Variants in CTNNA2 observed in about 807,000 individuals in gnomAD.
The protein encoded by CTNNA2 is catenin alpha 2.
Under a neutral mutation model 101.0 loss-of-function variants are expected in CTNNA2, and 42 were observed. That is an observed-to-expected ratio of 0.42 (90% CI 0.32 to 0.54). CTNNA2 has a LOEUF of 0.54. CTNNA2 is among the 20% of genes least tolerant of loss of function. CTNNA2 has a pLI of 0.14. For missense variants in CTNNA2, 871 were observed against 1,223.1 expected, an observed-to-expected ratio of 0.71 and a Z score of 4.29; for synonymous variants, 450 against 456.4, an observed-to-expected ratio of 0.99 and a Z score of 0.18.
At chr2:79,948,775 T>C (rs1688675995) in intron 7 of CTNNA2, among the ~76,000 whole-genome samples, 1 of 152,124 alleles carries the variant, frequency 6.6e-6, no homozygotes, top group Admixed American at 6.5e-5. Context: ...GACACCATCC[T>C]GGCTAACACG....
chr2:80,309,745 A>T (rs1407602709), intron 7 of CTNNA2, among the ~76,000 whole-genome samples: 1 of 147,384 alleles, frequency 6.8e-6, no homozygotes, highest in Non-Finnish European at 1.5e-5. Context: ...CCCAGGCTGG[A>T]GTGCAGTGGC....
intron 9 of CTNNA2, among the ~76,000 whole-genome samples, chr2:80,459,584 TC>T (rs1476842226): frequency 6.6e-6 from 1 of 151,442 alleles, no homozygotes; most frequent in Non-Finnish European, 1.5e-5. Flanking sequence ...GTTAAGGGAG[TC>T]TGTTGAAAGT....
Position 80,539,553 on chromosome 2 carries a change from T to C in CTNNA2, c.1291-5429T>C, listed in dbSNP as rs371258324. On this transcript the variant is annotated intron_variant, in intron 9 of 18. Coordinates refer to ENST00000402739, the MANE Select transcript of CTNNA2 (RefSeq NM_001282597.3). ...TCCACTTAGCAGCACTGGTCTCTTC[T>C]TTTTCTGTAATCCTAAAGTTTTTGG... 4.5e-3 allele frequency among the ~76,000 whole-genome samples: 691 copies of C among 152,314 alleles called. 3 individuals carry two copies. The highest frequency in any genetic ancestry group is 0.016 in the African/African-American group (670 of 41,574).
At chr2:79,498,332 G>A (rs1306563700) in intron 4 of CTNNA2, among the ~76,000 whole-genome samples, 1 of 152,138 alleles carries the variant, frequency 6.6e-6, no homozygotes, top group Non-Finnish European at 1.5e-5. Context: ...AAATCTGAGG[G>A]ACTGGAGATG....
chr2:79,498,516 C>T (rs111414385), intron 4 of CTNNA2, among the ~76,000 whole-genome samples: 2 of 152,150 alleles, frequency 1.3e-5, no homozygotes, highest in Non-Finnish European at 1.5e-5. Flanking sequence ...TCATTTTCTT[C>T]GCAACAAGCT....
At chr2:80,459,111 C>T (rs771320354) in intron 9 of CTNNA2, among the ~76,000 whole-genome samples, 1 of 152,070 alleles carries the variant, frequency 6.6e-6, no homozygotes, top group Non-Finnish European at 1.5e-5. Context: ...TAGGCTATAC[C>T]GTATAGCCTA....
chr2:79,242,880 A>G (rs1674644735), intron 2 of CTNNA2, among the ~76,000 whole-genome samples: 1 of 151,388 alleles, frequency 6.6e-6, no homozygotes, highest in Non-Finnish European at 1.5e-5. Context: ...AGGCAGGAGG[A>G]TTCGTTGAGG....
intron 7 of CTNNA2, among the ~76,000 whole-genome samples, chr2:80,236,520 T>A (rs1709559323): frequency 6.6e-6 from 1 of 152,136 alleles, no homozygotes; most frequent in South Asian, 2.1e-4. Flanking sequence ...TGCCTTGTAG[T>A]CCTCCCTATC....
chr2:80,516,152 G>A (rs1689093438), intron 9 of CTNNA2, among the ~76,000 whole-genome samples: 1 of 152,148 alleles, frequency 6.6e-6, no homozygotes, highest in African/African-American at 2.4e-5. Context: ...GCAGGAAGGG[G>A]ATGTGCTCAG....
chr2:80,601,207 T>G (rs964331214), intron 15 of CTNNA2, among the ~76,000 whole-genome samples: 16 of 152,064 alleles, frequency 1.1e-4, no homozygotes, highest in South Asian at 6.2e-4. Context: ...TTTCTTCTTT[T>G]TGTCTGTGTG....
At chr2:80,120,033 T>C (rs116035042) in intron 7 of CTNNA2, among the ~76,000 whole-genome samples, 1,592 of 152,322 alleles carry the variant, frequency 0.01, 23 homozygotes, top group African/African-American at 0.036. Flanking sequence ...GATAACACAA[T>C]GCGTAATTAC....
At chr2:80,461,533 A>T (rs1257990222) in intron 9 of CTNNA2, among the ~76,000 whole-genome samples, 1 of 151,824 alleles carries the variant, frequency 6.6e-6, no homozygotes, top group Non-Finnish European at 1.5e-5. Flanking sequence ...AGTCTGCCTT[A>T]TCATGCCTTA....
chr2:79,615,847 A>G (rs1678582970), intron 1 of CTNNA2, among the ~76,000 whole-genome samples: 1 of 152,148 alleles, frequency 6.6e-6, no homozygotes, highest in Admixed American at 6.5e-5. Flanking sequence ...CGTGTTGGGG[A>G]GTTGTATAAC....
chr2:79,544,523 T>C (rs1673614166), intron 1 of CTNNA2, among the ~76,000 whole-genome samples: 2 of 152,158 alleles, frequency 1.3e-5, no homozygotes, highest in Non-Finnish European at 2.9e-5. Context: ...TTCTGTAGCA[T>C]AGAAGATAGG....
chr2:79,534,877 T>C (rs551528741), intron 1 of CTNNA2, among the ~76,000 whole-genome samples: 1 of 151,440 alleles, frequency 6.6e-6, no homozygotes, highest in African/African-American at 2.4e-5. Context: ...AATATTTTTA[T>C]AGCCAGTTAG....
rs986648541 is a variant in CTNNA2 at position 79,504,737 on chromosome 2, A to G, written c.-134-317A>G. On this transcript the variant is annotated intron_variant, in intron 4 of 21. Transcript: ENST00000466387. ...CTTTCATTATATAAAGAGTGGATGCATCTTGATCAGGAGAAACATCATGTC... is the reference window on the plus strand; with the variant it reads ...CTTTCATTATATAAAGAGTGGATGCGTCTTGATCAGGAGAAACATCATGTC... Among the ~76,000 whole-genome samples the G allele has an allele frequency of 6.6e-5, 10 of 152,292 alleles. No individual in the cohort carries two copies. In the East Asian group the frequency reaches 1.5e-3, roughly 23 times the overall value.
intron 6 of CTNNA2, among the ~76,000 whole-genome samples, chr2:79,876,322 T>A (rs1683021083): frequency 6.6e-6 from 1 of 152,196 alleles, no homozygotes; most frequent in Non-Finnish European, 1.5e-5. Context: ...AACATTGTAA[T>A]GCTACATTAA....
intron 6 of CTNNA2, among the ~76,000 whole-genome samples, chr2:79,905,677 G>A (rs1049842164): frequency 6.6e-6 from 1 of 152,126 alleles, no homozygotes; most frequent in African/African-American, 2.4e-5. Context: ...CTAGCAGAGG[G>A]CAGCCACTCA....
rs566220184 is a variant in CTNNA2 at position 80,599,022 on chromosome 2, A to G, written c.2190-5052A>G. On this transcript the variant is annotated intron_variant, in intron 15 of 18. Transcript: ENST00000402739. ...TTCCCTATGGATTTTACCGGTATCA[A>G]TTTCCTGGTTTTGCTATTGTACTGC... 8.5e-5 allele frequency among the ~76,000 whole-genome samples: 13 copies of G among 152,296 alleles called. 1 individual carries two copies. The East Asian group carries it at 2.5e-3, about 29-fold the overall frequency.
Sources: allele counts gnomAD v4.1 joint callset (sites outside exome capture counted in the v4.1 genomes callset), GRCh38; gene constraint gnomAD v4.1.1; transcripts MANE v1.5; gene names NCBI Gene and HGNC (gene_info 2026-07-23, HGNC 2026-07-21).